The following CLSTN2 variants were observed in gnomAD, a reference collection of about 807,000 sequenced individuals.
The protein encoded by CLSTN2 is calsyntenin-2.
Under a neutral mutation model 101.2 loss-of-function variants are expected in CLSTN2, and 48 were observed. The ratio of observed to expected loss-of-function variants is 0.47; its 90% CI spans 0.38 to 0.60. CLSTN2 has a LOEUF of 0.60. Among genes scored for constraint, CLSTN2 ranks in the 20% least tolerant of loss-of-function variants. The pLI is 0.00. For synonymous variants in CLSTN2, 481 were observed against 463.6 expected (o/e 1.04, Z -0.48); for missense variants, 1,160 against 1,238.2 (o/e 0.94, Z 0.95).
intron 1 of CLSTN2, among the ~76,000 whole-genome samples, chr3:140,012,644 C>T (rs1436639138): frequency 3.3e-5 from 5 of 152,144 alleles, no homozygotes; most frequent in Non-Finnish European, 5.9e-5. Context: ...TGCATCTCAT[C>T]GACTCTCCCA....
intron 8 of CLSTN2, among the ~76,000 whole-genome samples, chr3:140,468,427 G>A (rs1407255304): frequency 1.3e-5 from 2 of 152,188 alleles, no homozygotes; most frequent in Non-Finnish European, 1.5e-5. Flanking sequence ...AGGAATTCTG[G>A]TTCTGAAGAT....
chr3:140,504,255 T>G (rs1184005321), intron 8 of CLSTN2, among the ~76,000 whole-genome samples: 1 of 152,170 alleles, frequency 6.6e-6, no homozygotes, highest in Admixed American at 6.5e-5. Context: ...ATGAGAGCCT[T>G]TATTGTCATT....
At chr3:140,357,501 G>T (rs1210345866) in intron 2 of CLSTN2, among the ~76,000 whole-genome samples, 3 of 151,918 alleles carry the variant, frequency 2.0e-5, no homozygotes, top group Non-Finnish European at 1.5e-5. Flanking sequence ...GCAGATGTGG[G>T]GTGGGGACAG....
chr3:140,377,652 A>AT (rs551700205), intron 2 of CLSTN2, among the ~76,000 whole-genome samples: 2 of 152,192 alleles, frequency 1.3e-5, no homozygotes, highest in Non-Finnish European at 2.9e-5. Flanking sequence ...GAAAGAAAAC[A>AT]TTTTTTTACA....
intron 4 of CLSTN2, among the ~76,000 whole-genome samples, chr3:140,417,331 C>T (rs2088443377): frequency 6.6e-6 from 1 of 152,068 alleles, no homozygotes; most frequent in East Asian, 1.9e-4. Context: ...GCAATAAATA[C>T]TAGATGAACA....
intron 5 of CLSTN2, among the ~76,000 whole-genome samples, chr3:140,441,881 G>A (rs538241622): frequency 1.3e-5 from 2 of 152,218 alleles, no homozygotes; most frequent in African/African-American, 2.4e-5. Flanking sequence ...AAGCCCTCCC[G>A]AGCCTCACAT....
At chr3:140,458,040 T>G (rs57243762) in intron 6 of CLSTN2, among the ~76,000 whole-genome samples, 8,557 of 152,270 alleles carry the variant, frequency 0.056, 805 homozygotes, top group African/African-American at 0.19. Flanking sequence ...CCAATGGATA[T>G]AGACCTGATG....
At chr3:140,080,634 C>G (rs1243995406) in intron 1 of CLSTN2, among the ~76,000 whole-genome samples, 2 of 152,178 alleles carry the variant, frequency 1.3e-5, no homozygotes, top group Non-Finnish European at 2.9e-5. Context: ...TTATTTTCCA[C>G]TAGTCTAAGG....
rs1234447432 is a variant in CLSTN2, at chr3:140,572,208, A to T, written c.*5955A>T. The T allele has an allele frequency of 6.6e-6, 1 of 152,178 alleles. No homozygotes were observed. Among genetic ancestry groups the T allele is most frequent in the Non-Finnish European group, 1.5e-5 (1 of 68,044 alleles). 9.4% of individuals were successfully genotyped at this position (152,178 alleles called of 1,614,324 possible). On this transcript the variant is annotated 3_prime_UTR_variant, in exon 17 of 17. Transcript: ENST00000458420. The stretch of plus-strand genomic sequence containing the variant: ...CACCCTAAGTCAGATGACAGGTGTA[A>T]TTCTAGGGGCCCTGATATGCATCAC...
chr3:140,024,616 C>T (rs6772314), intron 1 of CLSTN2, among the ~76,000 whole-genome samples: 151,615 of 152,226 alleles, frequency 1, 75,507 homozygotes, highest in Middle Eastern at 1. Flanking sequence ...CTGCACCACA[C>T]GCAGCTGGCT....
At chr3:140,539,681 A>G (rs1331435277) in intron 9 of CLSTN2, among the ~76,000 whole-genome samples, 1 of 152,220 alleles carries the variant, frequency 6.6e-6, no homozygotes, top group East Asian at 1.9e-4. Context: ...CAGCCAGTGC[A>G]GTGCTGAGCA....
chr3:140,423,798 C>G (rs567484536), intron 5 of CLSTN2, among the ~76,000 whole-genome samples: 1 of 152,306 alleles, frequency 6.6e-6, no homozygotes, highest in Admixed American at 6.5e-5. Flanking sequence ...TGCAGACACC[C>G]CTTCCCCTTT....
chr3:140,201,341 G>C (rs1040463857), intron 2 of CLSTN2, among the ~76,000 whole-genome samples: 18 of 152,150 alleles, frequency 1.2e-4, no homozygotes, highest in Non-Finnish European at 5.9e-5. Context: ...GGAGAAAAAT[G>C]GGGCCTTGTC....
chr3:140,043,507 A>G (rs1020516253), intron 1 of CLSTN2, among the ~76,000 whole-genome samples: 3 of 152,106 alleles, frequency 2.0e-5, no homozygotes, highest in Non-Finnish European at 4.4e-5. Context: ...TTCTTTTGCT[A>G]GGCAGAAGCT....
chr3:140,087,111 G>A (rs1403393566), intron 1 of CLSTN2, among the ~76,000 whole-genome samples: 1 of 151,984 alleles, frequency 6.6e-6, no homozygotes, highest in East Asian at 1.9e-4. Context: ...GGAGGGAAGA[G>A]GATCATAGCT....
chr3:140,013,487 A>G (rs2007130724), intron 1 of CLSTN2, among the ~76,000 whole-genome samples: 1 of 152,194 alleles, frequency 6.6e-6, no homozygotes, highest in African/African-American at 2.4e-5. Flanking sequence ...GGAGACAGGG[A>G]CACATGTGGG....
intron 8 of CLSTN2, among the ~76,000 whole-genome samples, chr3:140,526,595 CA>C (rs56965995): frequency 0.046 from 4,574 of 98,854 alleles, 115 homozygotes; most frequent in African/African-American, 0.084. Flanking sequence ...AACAAACAAA[CA>C]AAAAAAAAAA....
At chr3:140,546,719 G>A (rs945380711) in intron 10 of CLSTN2, 38 bp downstream of exon 10, 5 of 1,550,730 alleles carry the variant, frequency 3.2e-6, no homozygotes, top group Non-Finnish European at 3.5e-6. Flanking sequence ...ATAAGACAGG[G>A]ATTCATGATG....
intron 1 of CLSTN2, among the ~76,000 whole-genome samples, chr3:140,015,016 G>C (rs77461800): frequency 0.012 from 1,808 of 152,274 alleles, 31 homozygotes; most frequent in African/African-American, 0.039. Flanking sequence ...CAGAGACAAA[G>C]GACTTTGTGA....
Sources: gnomAD v4.1 joint callset for allele counts (sites outside exome capture counted in the v4.1 genomes callset) on GRCh38, gnomAD v4.1.1 for gene constraint, MANE v1.5 for transcripts, NCBI Gene and HGNC (gene_info 2026-07-23, HGNC 2026-07-21) for gene names.